MGA: variants seen among roughly 807,000 people sequenced by gnomAD.
MGA encodes the protein MAX dimerization protein MGA.
MGA carries 40 observed loss-of-function variants against 261.1 expected under a neutral mutation model. The ratio of observed to expected loss-of-function variants is 0.15; its 90% CI spans 0.12 to 0.20. The LOEUF (loss-of-function observed/expected upper bound fraction) is 0.20, where lower values mean the gene tolerates loss of function less well. MGA is among the 10% of genes least tolerant of loss of function. The pLI is 1.00. For missense variants in MGA, 3,397 were observed against 3,630.5 expected, an observed-to-expected ratio of 0.94 and a Z score of 1.65; for synonymous variants, 1,302 against 1,290.6, an observed-to-expected ratio of 1.01 and a Z score of -0.19.
chr15:41,638,672 C>T (rs921765089), intron 1 of MGA, among the ~76,000 whole-genome samples: 2 of 149,948 alleles, frequency 1.3e-5, no homozygotes, highest in Admixed American at 1.3e-4. Context: ...TTTTACCTGG[C>T]CTTTCTTTTC....
chr15:41,739,811 T>A, intron 13 of MGA, 95 bp from the exon 14 acceptor site: 1 of 1,231,972 alleles, frequency 8.1e-7, no homozygotes, highest in East Asian at 2.7e-5. Context: ...AAAAATAGAC[T>A]TATGAAAACT....
At chr15:41,634,765 A>G (rs1461183565) in intron 1 of MGA, among the ~76,000 whole-genome samples, 1 of 152,054 alleles carries the variant, frequency 6.6e-6, no homozygotes, top group Non-Finnish European at 1.5e-5. Flanking sequence ...GGTTAGAATG[A>G]GGTTTTGTTT....
At chr15:41,748,524 C>G in intron 15 of MGA, 113 bp from the exon 16 acceptor site, 1 of 1,248,900 alleles carries the variant, frequency 8.0e-7, no homozygotes, top group Middle Eastern at 2.4e-4. Flanking sequence ...TCATTGCACT[C>G]CAGCCTGAGC....
chr15:41,635,821 A>G (rs1413971525), intron 1 of MGA, among the ~76,000 whole-genome samples: 1 of 152,204 alleles, frequency 6.6e-6, no homozygotes, highest in Non-Finnish European at 1.5e-5. Context: ...GAGCTGAAAA[A>G]TTTCTGTTGC....
intron 14 of MGA, 27 bp from the exon 15 acceptor site, chr15:41,742,519 T>G: frequency 6.2e-7 from 1 of 1,601,586 alleles, no homozygotes; most frequent in East Asian, 2.2e-5. Flanking sequence ...AACTGAAGAT[T>G]TTTGACCTGC....
rs536012257 is a variant in MGA, at chr15:41,766,727, C to G, written c.8645C>G (p.Thr2882Ser). 3.0e-5 allele frequency: 48 copies of G among 1,613,954 alleles called. No individual in the cohort carries two copies. Among genetic ancestry groups the G allele is most frequent in the Non-Finnish European group, 3.9e-5 (46 of 1,179,876 alleles). The change falls in exon 24 of 24, where the codon ACT (threonine) becomes AGT (serine). Residue 2882 changes from threonine (T) to serine (S), a missense_variant. Physicochemically the swap from Thr to Ser is moderately conservative, Grantham distance 58. This residue lies in a region of MGA where 647 missense variants were observed against 642.4 expected (regional missense o/e 1.01). Coordinates refer to ENST00000219905, the MANE Select transcript of MGA (RefSeq NM_001164273.2). The stretch of plus-strand genomic sequence containing the variant: ...ACTTTCCAGGTTGAGCACTTGGGAA[C>G]TGGTTTGAAAGAGTTGCCTGATGTT...
Position 41,765,110 on chromosome 15 carries a change from A to C in MGA, c.7921+48A>C, listed in dbSNP as rs754128357. The stretch of plus-strand genomic sequence containing the variant: ...TATGGGAAGTGATAAAGTTATCCCT[A>C]ACATCTCACGGTGACCAAGGAAGGC... On this transcript the variant is annotated intron_variant, in intron 23 of 23. Coordinates refer to ENST00000219905, the MANE Select transcript of MGA (RefSeq NM_001164273.2). 7 of 1,586,702 alleles carry C rather than the reference A, an allele frequency of 4.4e-6. No homozygotes were observed. In the East Asian group the frequency reaches 1.6e-4, roughly 35 times the overall value.
At chr15:41,717,321 T>G (rs2060695004) in intron 9 of MGA, among the ~76,000 whole-genome samples, 1 of 152,210 alleles carries the variant, frequency 6.6e-6, no homozygotes. Context: ...TTGTCATTTC[T>G]GTTTTCTTAG....
In MGA at chr15:41,749,816, G is replaced by A. The variant is rs777136819; in HGVS notation, c.6209G>A (p.Gly2070Glu). 4.3e-6 allele frequency: 7 copies of A among 1,613,786 alleles called. No homozygotes were observed. The African/African-American group carries it at 5.3e-5, about 12-fold the overall frequency. ...TATAAAGATGTTAATGAAGAATATG[G>A]GGCTAGGAATCGTAAGAGTTCCAAA... The change falls in exon 17 of 24, where the codon GGG (glycine) becomes GAG (glutamate). Residue 2070 changes from glycine to glutamate, a missense_variant. Gly to Glu is a moderately conservative substitution (Grantham distance 98). Transcript: ENST00000219905.
chr15:41,721,788 A>C (rs1022116834), intron 9 of MGA, among the ~76,000 whole-genome samples: 1 of 152,186 alleles, frequency 6.6e-6, no homozygotes, highest in African/African-American at 2.4e-5. Flanking sequence ...CGCTTTGGAA[A>C]ATAGTTGGGC....
intron 17 of MGA, 67 bp from the exon 18 acceptor site, chr15:41,754,370 A>G (rs2695164): frequency 0.82 from 1,164,746 of 1,413,544 alleles, 480,698 homozygotes; most frequent in East Asian, 0.89. Flanking sequence ...AGGGGAACAA[A>G]CATTTGAAAA....
upstream of MGA, among the ~76,000 whole-genome samples, chr15:41,656,382 C>CTCTCTCTCCTCTCTCTCTCTCTCT (rs2057194512): frequency 3.3e-5 from 3 of 90,406 alleles, no homozygotes; most frequent in African/African-American, 1.0e-4. Flanking sequence ...CTCTCTCACA[C>CTCTCTCTCCTCTCTCTCTCTCTCT]CCAGGCTGGA....
Position 41,696,312 on chromosome 15 carries a change from C to T in MGA, c.1302C>T (p.Asp434=), listed in dbSNP as rs2059549094. The T allele has an allele frequency of 1.7e-5, 27 of 1,613,776 alleles. No individual in the cohort carries two copies. Among genetic ancestry groups the T allele is most frequent in the Non-Finnish European group, 2.3e-5 (27 of 1,179,896 alleles). ...AGCTAAAGAGGCACAATAAAGTTGA[C>T]AACCCAGAAGCTGACCATCTATCTT... The change falls in exon 3 of 24, where the codon GAC becomes GAT. Residue 434 remains aspartate (D), a synonymous_variant. Transcript: ENST00000219905.
chr15:41,724,208 T>A (rs1448352984), intron 9 of MGA, among the ~76,000 whole-genome samples: 14 of 152,210 alleles, frequency 9.2e-5, no homozygotes, highest in Admixed American at 7.2e-4. Context: ...TTATTAAATG[T>A]GTGGTAGAAC....
At chr15:41,742,469 A>G in intron 14 of MGA, 77 bp from the exon 15 acceptor site, 1 of 1,527,284 alleles carries the variant, frequency 6.5e-7, no homozygotes, top group Non-Finnish European at 8.8e-7. Context: ...GTGCACAGTA[A>G]ATGTCGGTAA....
intron 3 of MGA, among the ~76,000 whole-genome samples, chr15:41,697,932 A>G (rs2059626184): frequency 6.6e-6 from 1 of 151,724 alleles, no homozygotes; most frequent in Non-Finnish European, 1.5e-5. Context: ...GCAGTAGCGC[A>G]ATCTTGGCTC....
chr15:41,739,635 A>G (rs2061980431), intron 13 of MGA, among the ~76,000 whole-genome samples: 1 of 152,240 alleles, frequency 6.6e-6, no homozygotes, highest in Admixed American at 6.5e-5. Flanking sequence ...TAACTTTCAC[A>G]TAACTAGGAT....
intron 1 of MGA, among the ~76,000 whole-genome samples, chr15:41,664,510 T>G (rs772269567): frequency 6.6e-6 from 1 of 152,228 alleles, no homozygotes; most frequent in Non-Finnish European, 1.5e-5. Context: ...ATTCGGCACC[T>G]TTTCATGTAA....
At position 41,691,154 on chromosome 15, in the gene MGA, A is replaced by G. The variant is rs566898357; in HGVS notation, c.1065-4921A>G. Among the ~76,000 whole-genome samples the G allele has an allele frequency of 6.6e-5, 10 of 151,922 alleles. 1 individual carries two copies. In the South Asian group the frequency reaches 1.7e-3, roughly 25 times the overall value. ...ATTATTGCTGTTTTACCAATATGAA[A>G]TATTTTTTGTCCATAAACGTGGGAT... On this transcript the variant is annotated intron_variant, in intron 2 of 23. Transcript: ENST00000219905.
Sources: allele counts gnomAD v4.1 joint callset (sites outside exome capture counted in the v4.1 genomes callset), GRCh38; gene constraint gnomAD v4.1.1; regional missense constraint gnomAD v4.1.1; transcripts MANE v1.5; gene names NCBI Gene and HGNC (gene_info 2026-07-23, HGNC 2026-07-21).